Variants in STX3 observed in about 807,000 individuals in gnomAD.
STX3 encodes syntaxin-3.
STX3 carries 19 observed loss-of-function variants against 40.2 expected under a neutral mutation model. That is an observed-to-expected ratio of 0.47 (90% CI 0.33 to 0.69). The LOEUF is 0.69. Among genes scored for constraint, STX3 ranks in the 30% least tolerant of loss-of-function variants. The probability of loss-of-function intolerance (pLI) is 0.02; values close to 1 mark genes in which losing one functional copy is unlikely to be tolerated. For synonymous variants in STX3, 122 were observed against 132.2 expected, an observed-to-expected ratio of 0.92 and a Z score of 0.53; for missense variants, 364 against 366.7, an observed-to-expected ratio of 0.99 and a Z score of 0.06.
At chr11:59,781,968 C>G (rs1403930287) in intron 2 of STX3, among the ~76,000 whole-genome samples, 1 of 152,202 alleles carries the variant, frequency 6.6e-6, no homozygotes, top group Non-Finnish European at 1.5e-5. Flanking sequence ...TAATGCTCAA[C>G]TAGAGGTACA....
At chr11:59,774,716 AG>A (rs1240084727) in intron 2 of STX3, among the ~76,000 whole-genome samples, 30 of 152,068 alleles carry the variant, frequency 2.0e-4, no homozygotes, top group African/African-American at 6.8e-4. Flanking sequence ...CTGTAATCCC[AG>A]CTACCCGAGA....
chr11:59,779,243 G>A (rs1403904365), intron 2 of STX3, among the ~76,000 whole-genome samples: 2 of 152,216 alleles, frequency 1.3e-5, no homozygotes, highest in African/African-American at 4.8e-5. Context: ...AGTTCTGGAG[G>A]CTGAAAGTCC....
chr11:59,772,974 A>AAACACACACACACACACACAC (rs1554996770), intron 1 of STX3, among the ~76,000 whole-genome samples: 150 of 140,670 alleles, frequency 1.1e-3, no homozygotes, highest in African/African-American at 2.8e-3. Context: ...CCCTGAAAGA[A>AAACACACACACACACACACAC]ACACACACAC....
At position 59,781,842 on chromosome 11, in the gene STX3, T is replaced by G. The variant is rs1590795252; in HGVS notation, c.115-5195T>G. The stretch of plus-strand genomic sequence containing the variant: ...ATGAAGACTGCTTGGGATTCTGTCA[T>G]TTTTTGGGGAAAGTGAAGGTGTATA... On this transcript the variant is annotated intron_variant, in intron 2 of 10. Coordinates refer to ENST00000337979, the MANE Select transcript of STX3 (RefSeq NM_004177.5). The G allele has an allele frequency of 3.1e-6, 3 of 960,324 alleles. No individual in the cohort carries two copies. The East Asian group carries it at 7.9e-5, about 25-fold the overall frequency. 59.5% of individuals were successfully genotyped at this position (960,324 alleles called of 1,614,324 possible).
chr11:59,777,963 TG>T (rs1234135543), intron 2 of STX3, among the ~76,000 whole-genome samples: 1 of 152,170 alleles, frequency 6.6e-6, no homozygotes, highest in Non-Finnish European at 1.5e-5. Flanking sequence ...GTGCCTTTAC[TG>T]GGGTGGCTCA....
chr11:59,795,377 G>A lies in STX3; in HGVS notation c.681G>A (p.Glu227=). The A allele has an allele frequency of 6.2e-7, 1 of 1,612,394 alleles. No homozygotes were observed. The highest frequency in any genetic ancestry group is 1.1e-5 in the South Asian group (1 of 90,502). Residue 227 remains glutamate, a synonymous_variant, in exon 9 of 11, where the codon GAG becomes GAA. Coordinates refer to ENST00000337979, the MANE Select transcript of STX3 (RefSeq NM_004177.5). ...TCAGAGTCTGTTCTTTGCAGGGTGAGATGTTAGATAACATAGAGTTGAATG... is the reference window on the plus strand; with the variant it reads ...TCAGAGTCTGTTCTTTGCAGGGTGAAATGTTAGATAACATAGAGTTGAATG... The part of the protein sequence containing the change: ...DIAMLVENQG[E]MLDNIELNVM...
At chr11:59,759,922 A>ATACCT (rs748082323) in intron 1 of STX3, among the ~76,000 whole-genome samples, 18 of 152,218 alleles carry the variant, frequency 1.2e-4, no homozygotes, top group Non-Finnish European at 2.1e-4. Context: ...GCTTTGGATC[A>ATACCT]TAACTGAACC....
At chr11:59,791,835 G>C (rs1865185698) in intron 5 of STX3, among the ~76,000 whole-genome samples, 2 of 152,158 alleles carry the variant, frequency 1.3e-5, no homozygotes, top group Admixed American at 1.3e-4. Flanking sequence ...TGGATGTAGG[G>C]CTCAGAGATT....
intron 1 of STX3, among the ~76,000 whole-genome samples, chr11:59,762,401 AT>A (rs1416733652): frequency 6.6e-6 from 1 of 152,228 alleles, no homozygotes; most frequent in African/African-American, 2.4e-5. Context: ...CAGCTGTAAG[AT>A]GGGGAATATC....
chr11:59,803,426 A>G lies in STX3; in HGVS notation c.*2602A>G, dbSNP rs1865972057. Reference sequence around the variant, plus strand: ...TAATAATGGTTAGAGAAAACTAAAGAAAGGGATGTTTCAGAGACAGAAAAG... The same window carrying G: ...TAATAATGGTTAGAGAAAACTAAAGGAAGGGATGTTTCAGAGACAGAAAAG... On this transcript the variant is annotated 3_prime_UTR_variant, in exon 11 of 11. Coordinates refer to ENST00000337979, the MANE Select transcript of STX3 (RefSeq NM_004177.5). 5 of 503,324 alleles carry G rather than the reference A, an allele frequency of 9.9e-6. No individual in the cohort carries two copies. The South Asian group carries it at 4.3e-4, about 43-fold the overall frequency. 31.2% of individuals were successfully genotyped at this position (503,324 alleles called of 1,614,324 possible).
rs745346934 is a variant in STX3, at chr11:59,788,916, A to G, written c.258A>G (p.Lys86=). 16 of 1,611,866 alleles carry G rather than the reference A, an allele frequency of 9.9e-6. No homozygotes were observed. The highest frequency in any genetic ancestry group is 2.7e-5 in the African/African-American group (2 of 74,884). The stretch of plus-strand genomic sequence containing the variant: ...AGCAGCTCACGACTGAGATTAAGAA[A>G]AGGGCCAACAACGTCCGGAACAAAC... ...DLEQLTTEIK[K]RANNVRNKLK... is the part of the protein sequence containing the mutation. The change falls in exon 4 of 11, where the codon AAA becomes AAG. Residue 86 remains lysine (K), a synonymous_variant. Coordinates refer to ENST00000337979, the MANE Select transcript of STX3 (RefSeq NM_004177.5).
chr11:59,764,468 G>C (rs1863188954), intron 1 of STX3, among the ~76,000 whole-genome samples: 1 of 152,194 alleles, frequency 6.6e-6, no homozygotes, highest in Non-Finnish European at 1.5e-5. Context: ...TTAAATGGTA[G>C]AGCCAGGTTT....
At chr11:59,775,620 A>C (rs79619389) in intron 2 of STX3, among the ~76,000 whole-genome samples, 15,798 of 152,054 alleles carry the variant, frequency 0.1, 1,151 homozygotes, top group African/African-American at 0.2. Context: ...GTTGCTTAAC[A>C]TCTCTTAGTT....
Position 59,778,105 on chromosome 11 carries a change from A to G in STX3, c.114+4811A>G, listed in dbSNP as rs151243205. Among the ~76,000 whole-genome samples, 133 of 152,258 alleles carry G rather than the reference A, an allele frequency of 8.7e-4. 2 individuals carry two copies. The highest frequency in any genetic ancestry group is 7.5e-3 in the South Asian group (36 of 4,828). ...CATAGAAGCTCAGGGATGCAAGGCA[A>G]GTGTTCCAGCTACAGAAGTTACATA... On this transcript the variant is annotated intron_variant, in intron 2 of 10. Transcript: ENST00000337979.
chr11:59,770,894 C>T (rs1232769524), intron 1 of STX3, among the ~76,000 whole-genome samples: 1 of 152,034 alleles, frequency 6.6e-6, no homozygotes, highest in East Asian at 1.9e-4. Context: ...GTAGAACCTG[C>T]CCAAAGCCAA....
At chr11:59,792,042 G>T (rs1159717580) in intron 5 of STX3, 65 bp from the exon 6 acceptor site, 47 of 1,262,698 alleles carry the variant, frequency 3.7e-5, no homozygotes, top group Non-Finnish European at 4.8e-5. Flanking sequence ...ATGTGGGGGT[G>T]GGGAGGGGTT....
intron 2 of STX3, among the ~76,000 whole-genome samples, chr11:59,780,964 A>G (rs1382270854): frequency 2.0e-5 from 3 of 152,026 alleles, no homozygotes; most frequent in Non-Finnish European, 4.4e-5. Context: ...TTTTCTTTTC[A>G]TTCATAAAAG....
At chr11:59,799,144 C>A (rs1865719582) in intron 10 of STX3, among the ~76,000 whole-genome samples, 1 of 152,028 alleles carries the variant, frequency 6.6e-6, no homozygotes, top group Non-Finnish European at 1.5e-5. Context: ...CTTGCCTTGG[C>A]CTCCCAAAGT....
rs1362797922 is a variant in STX3 at position 59,801,917 on chromosome 11, TATC to T, written c.*1098_*1100del. 8 of 985,350 alleles carry T rather than the reference TATC, an allele frequency of 8.1e-6. No homozygotes were observed. The highest frequency in any genetic ancestry group is 1.7e-5 in the African/African-American group (1 of 57,238). The allele number at this position is 985,350 out of a possible 1,614,324, so 61.0% of individuals were successfully genotyped here. A position where few individuals can be genotyped will look rare whatever the true frequency, so the allele number is the denominator to read the frequency against. ...TCACTGTGGAAATGTGATCTTCCCATATCATCAAGAAACTTGTTTTCTGGATGA... is the reference window on the plus strand; with the variant it reads ...TCACTGTGGAAATGTGATCTTCCCATATCAAGAAACTTGTTTTCTGGATGA... On this transcript the variant is annotated 3_prime_UTR_variant, in exon 11 of 11. Transcript: ENST00000337979.
Sources: allele counts gnomAD v4.1 joint callset (sites outside exome capture counted in the v4.1 genomes callset), GRCh38; gene constraint gnomAD v4.1.1; transcripts MANE v1.5; gene names NCBI Gene and HGNC (gene_info 2026-07-23, HGNC 2026-07-21).